The following TMEM135 variants were observed in gnomAD, a reference collection of about 807,000 sequenced individuals.
TMEM135 encodes peroxisomal membrane protein 52.
A neutral mutation model predicts 60.3 loss-of-function variants in TMEM135; 30 were observed. That is an observed-to-expected ratio of 0.50 (90% confidence interval 0.37 to 0.68). The LOEUF is 0.68. Ranked by LOEUF, TMEM135 falls within the 30% of genes least tolerant of loss-of-function variation. The pLI, the probability that TMEM135 is intolerant of heterozygous loss-of-function variation, is 0.00. For synonymous variants in TMEM135, 190 were observed against 186.7 expected (o/e 1.02, Z -0.14); for missense variants, 468 against 548.8 (o/e 0.85, Z 1.47).
chr11:87,044,085 G>A (rs1217062427), intron 1 of TMEM135, among the ~76,000 whole-genome samples: 4 of 152,092 alleles, frequency 2.6e-5, no homozygotes, highest in Non-Finnish European at 5.9e-5. Flanking sequence ...AGACTCTTCA[G>A]TGGATGAACA....
intron 4 of TMEM135, among the ~76,000 whole-genome samples, chr11:87,102,696 A>ATATATG (rs1555103999): frequency 2.7e-4 from 22 of 80,192 alleles, no homozygotes; most frequent in South Asian, 6.9e-4. Context: ...GTGTGTGTAT[A>ATATATG]TATATATGTA....
At chr11:87,150,139 C>G (rs1173910645) in intron 4 of TMEM135, among the ~76,000 whole-genome samples, 1 of 149,926 alleles carries the variant, frequency 6.7e-6, no homozygotes, top group Admixed American at 6.7e-5. Flanking sequence ...ATCGCTTGTA[C>G]CTGGGAGGTG....
chr11:87,045,761 TTTCA>T (rs2135108573), intron 1 of TMEM135, among the ~76,000 whole-genome samples: 1 of 152,346 alleles, frequency 6.6e-6, no homozygotes, highest in South Asian at 2.1e-4. Context: ...AAAACTTTCT[TTTCA>T]TTATTTGCCA....
At chr11:87,195,663 G>A (rs373046188) in intron 5 of TMEM135, among the ~76,000 whole-genome samples, 2 of 151,998 alleles carry the variant, frequency 1.3e-5, no homozygotes, top group South Asian at 2.1e-4. Context: ...GCCAGCCTCC[G>A]CCTCCCAAAG....
intron 6 of TMEM135, among the ~76,000 whole-genome samples, chr11:87,242,377 T>C (rs1228009738): frequency 8.8e-5 from 13 of 147,324 alleles, no homozygotes; most frequent in African/African-American, 3.3e-4. Flanking sequence ...AGTAATGGGA[T>C]GGCTGGGTCA....
chr11:87,269,470 T>G (rs1028531288), intron 6 of TMEM135, among the ~76,000 whole-genome samples: 3 of 151,906 alleles, frequency 2.0e-5, no homozygotes, highest in Non-Finnish European at 4.4e-5. Flanking sequence ...GCATTAGGTA[T>G]ATCTCCTAAT....
At chr11:87,131,829 G>A (rs1937941003) in intron 4 of TMEM135, among the ~76,000 whole-genome samples, 1 of 152,184 alleles carries the variant, frequency 6.6e-6, no homozygotes, top group Non-Finnish European at 1.5e-5. Context: ...AGGCTAATGA[G>A]AGAAGCTTTG....
At position 87,120,110 on chromosome 11, in the gene TMEM135, C is replaced by CTTTTT. The variant is rs770897413; in HGVS notation, c.396+28717_396+28718insTTTTT. ...GAACTTATTAGTCTGTTTTTTTCTTCTTCTTCTTTTTTTTTTTTTTTTGAG... is the reference window on the plus strand; with the variant it reads ...GAACTTATTAGTCTGTTTTTTTCTTCTTTTTTTCTTCTTTTTTTTTTTTTTTTGAG... On this transcript the variant is annotated intron_variant, in intron 4 of 14. Transcript: ENST00000305494. 5.8e-3 allele frequency among the ~76,000 whole-genome samples: 762 copies of CTTTTT among 130,546 alleles called. 27 individuals are homozygous for CTTTTT. The highest frequency in any genetic ancestry group is 0.032 in the East Asian group (124 of 3,902). The allele number at this position is 130,546 out of a possible 152,430, so 85.6% of individuals were successfully genotyped here. A position where few individuals can be genotyped will look rare whatever the true frequency, so the allele number is the denominator to read the frequency against.
intron 7 of TMEM135, among the ~76,000 whole-genome samples, chr11:87,300,830 T>C (rs1053692166): frequency 1.3e-5 from 2 of 152,198 alleles, no homozygotes; most frequent in Non-Finnish European, 2.9e-5. Flanking sequence ...TGGGCTCTCC[T>C]AGCACAGAAG....
chr11:87,207,927 G>A (rs760596988), intron 5 of TMEM135, among the ~76,000 whole-genome samples: 5 of 152,182 alleles, frequency 3.3e-5, no homozygotes, highest in Non-Finnish European at 7.3e-5. Flanking sequence ...CCTGGTCTCA[G>A]GCTTTTAGGT....
intron 4 of TMEM135, among the ~76,000 whole-genome samples, chr11:87,115,535 AT>A (rs1857858660): frequency 6.6e-6 from 1 of 152,108 alleles, no homozygotes; most frequent in African/African-American, 2.4e-5. Context: ...CTATATTTAC[AT>A]TTAATTTACA....
chr11:87,062,203 A>G (rs1949953575), intron 1 of TMEM135, among the ~76,000 whole-genome samples: 1 of 151,630 alleles, frequency 6.6e-6, no homozygotes, highest in African/African-American at 2.4e-5. Context: ...ATGGTATTTC[A>G]TCATGTTGGT....
chr11:87,046,456 G>A (rs1485962586), intron 1 of TMEM135, among the ~76,000 whole-genome samples: 1 of 152,182 alleles, frequency 6.6e-6, no homozygotes, highest in Non-Finnish European at 1.5e-5. Context: ...AAGTTCGAAG[G>A]ATCAAATAAA....
intron 6 of TMEM135, among the ~76,000 whole-genome samples, chr11:87,262,080 CA>C (rs1284056463): frequency 2.6e-5 from 4 of 151,804 alleles, no homozygotes; most frequent in African/African-American, 9.7e-5. Context: ...TTAGGGGCTG[CA>C]AAAAAAATCT....
intron 6 of TMEM135, among the ~76,000 whole-genome samples, chr11:87,241,902 T>G (rs1056253621): frequency 1.3e-5 from 2 of 151,996 alleles, no homozygotes; most frequent in Non-Finnish European, 2.9e-5. Flanking sequence ...ATGTGCACAA[T>G]GTGCAGGTTA....
chr11:87,150,071 G>A (rs1032228422), intron 4 of TMEM135, among the ~76,000 whole-genome samples: 1 of 151,966 alleles, frequency 6.6e-6, no homozygotes, highest in Non-Finnish European at 1.5e-5. Context: ...AAAAAAATTA[G>A]CTGGGCATGG....
intron 5 of TMEM135, among the ~76,000 whole-genome samples, chr11:87,212,554 G>T (rs1940395404): frequency 6.6e-6 from 1 of 152,132 alleles, no homozygotes; most frequent in South Asian, 2.1e-4. Flanking sequence ...GGGTGTAGTG[G>T]CTCATGCCTA....
intron 6 of TMEM135, among the ~76,000 whole-genome samples, chr11:87,293,062 T>G (rs746818978): frequency 1.3e-5 from 2 of 152,242 alleles, no homozygotes; most frequent in Non-Finnish European, 1.5e-5. Context: ...AATCTTTTAA[T>G]CAGTCTACTG....
Position 87,322,948 on chromosome 11 carries a change from A to G in TMEM135, c.*1615A>G, listed in dbSNP as rs1261894833. On this transcript the variant is annotated 3_prime_UTR_variant, in exon 15 of 15. Transcript: ENST00000305494. ...AAGTTGATTAATAAATTTAATCTTA[A>G]CTTTTTATTCACTGGAATCAAAACG... 2 of 454,350 alleles carry G rather than the reference A, an allele frequency of 4.4e-6. No homozygotes were observed. Among genetic ancestry groups the G allele is most frequent in the East Asian group, 1.4e-4 (2 of 14,388 alleles). The allele number at this position is 454,350 out of a possible 1,614,324, so 28.1% of individuals were successfully genotyped here. A position where few individuals can be genotyped will look rare whatever the true frequency, so the allele number is the denominator to read the frequency against.
Sources: allele counts gnomAD v4.1 joint callset (sites outside exome capture counted in the v4.1 genomes callset), GRCh38; gene constraint gnomAD v4.1.1; transcripts MANE v1.5; gene names NCBI Gene and HGNC (gene_info 2026-07-23, HGNC 2026-07-21).